CNTN4: variants seen among roughly 807,000 people sequenced by gnomAD.
The protein encoded by CNTN4 is contactin 4.
CNTN4 carries 77 observed loss-of-function variants against 122.5 expected under a neutral mutation model. The observed-to-expected ratio is 0.63, with a 90% confidence interval of 0.52 to 0.76. CNTN4 has a LOEUF of 0.76. CNTN4 is among the 30% of genes least tolerant of loss of function. The probability of loss-of-function intolerance (pLI) is 0.00; values close to 1 mark genes in which losing one functional copy is unlikely to be tolerated. For missense variants in CNTN4, 1,256 were observed against 1,259.1 expected, an observed-to-expected ratio of 1.00 and a Z score of 0.04; for synonymous variants, 512 against 447.0, an observed-to-expected ratio of 1.15 and a Z score of -1.83.
In CNTN4 at chr3:2,831,526, A is replaced by G. The variant is rs138043400; in HGVS notation, c.454+11945A>G. On this transcript the variant is annotated intron_variant, in intron 7 of 24. Coordinates refer to ENST00000418658, the MANE Select transcript of CNTN4 (RefSeq NM_175607.3). ...AGTAGGTGGTGCTGCTAACAAAACA[A>G]TGGGCAGCCACTTTGTACCGAGCCA... Among the ~76,000 whole-genome samples, 467 of 152,310 alleles carry G rather than the reference A, an allele frequency of 3.1e-3. 2 individuals carry two copies. The highest frequency in any genetic ancestry group is 0.011 in the African/African-American group (450 of 41,564).
At chr3:2,755,243 C>G (rs1280195923) in intron 6 of CNTN4, among the ~76,000 whole-genome samples, 3 of 152,076 alleles carry the variant, frequency 2.0e-5, no homozygotes, top group Non-Finnish European at 4.4e-5. Flanking sequence ...TCATAACTGG[C>G]CTGACTACTT....
intron 3 of CNTN4, among the ~76,000 whole-genome samples, chr3:2,352,712 G>T (rs2044685735): frequency 6.6e-6 from 1 of 152,190 alleles, no homozygotes; most frequent in South Asian, 2.1e-4. Context: ...TCCGACAGGT[G>T]CCACCCCCTG....
chr3:2,309,629 G>T (rs1205452769), intron 2 of CNTN4, among the ~76,000 whole-genome samples: 2 of 152,050 alleles, frequency 1.3e-5, no homozygotes, highest in Non-Finnish European at 2.9e-5. Flanking sequence ...GGTAATTGTT[G>T]CCATTTCAGA....
intron 3 of CNTN4, among the ~76,000 whole-genome samples, chr3:2,384,983 CATT>C (rs1412689873): frequency 2.6e-5 from 4 of 152,052 alleles, no homozygotes; most frequent in African/African-American, 7.2e-5. Flanking sequence ...GCTTGAAAGT[CATT>C]GTTGGTTTTA....
At chr3:2,462,429 A>G (rs74784938) in intron 3 of CNTN4, among the ~76,000 whole-genome samples, 1 of 152,214 alleles carries the variant, frequency 6.6e-6, no homozygotes, top group African/African-American at 2.4e-5. Context: ...GGAGAAAATC[A>G]TAAAAGTAGC....
chr3:2,502,355 TTCATGTC>T (rs2076618540), intron 3 of CNTN4, among the ~76,000 whole-genome samples: 1 of 152,168 alleles, frequency 6.6e-6, no homozygotes, highest in Non-Finnish European at 1.5e-5. Context: ...AAGTTTTTGC[TTCATGTC>T]TCATCTGTCT....
intron 4 of CNTN4, among the ~76,000 whole-genome samples, chr3:2,716,178 T>G (rs1299583268): frequency 6.6e-6 from 1 of 152,142 alleles, no homozygotes; most frequent in African/African-American, 2.4e-5. Flanking sequence ...TTGCCCCAGC[T>G]GACCATTTTT....
At position 2,267,171 on chromosome 3, in the gene CNTN4, G is replaced by A. The variant is rs563555154; in HGVS notation, c.-144-72007G>A. ...CTGTGCCAACTTACGATTGTGGTGT[G>A]TAGAAATTTAGTGTCAGCCACTGAA... On this transcript the variant is annotated intron_variant, in intron 2 of 24. Coordinates refer to ENST00000418658, the MANE Select transcript of CNTN4 (RefSeq NM_175607.3). 7.2e-5 allele frequency among the ~76,000 whole-genome samples: 11 copies of A among 152,196 alleles called. No individual in the cohort carries two copies. The South Asian group carries it at 1.7e-3, about 23-fold the overall frequency.
intron 3 of CNTN4, among the ~76,000 whole-genome samples, chr3:2,423,592 G>A (rs1181962475): frequency 6.6e-6 from 1 of 151,384 alleles, no homozygotes. Context: ...GAGAAAAGAT[G>A]TTGATGAAAA....
chr3:2,134,480 T>TA (rs2125297595), intron 2 of CNTN4, among the ~76,000 whole-genome samples: 1 of 152,250 alleles, frequency 6.6e-6, no homozygotes, highest in South Asian at 2.1e-4. Flanking sequence ...GAGACATGAG[T>TA]ATTGTGAATG....
chr3:2,424,453 G>T (rs1397298849), intron 3 of CNTN4, among the ~76,000 whole-genome samples: 3 of 152,006 alleles, frequency 2.0e-5, no homozygotes, highest in Admixed American at 6.6e-5. Context: ...ATTTTCTTAA[G>T]CCAGTCTATC....
At chr3:2,327,684 T>A (rs750672738) in intron 2 of CNTN4, among the ~76,000 whole-genome samples, 11 of 152,220 alleles carry the variant, frequency 7.2e-5, no homozygotes, top group Non-Finnish European at 1.5e-4. Flanking sequence ...ACACATTCTT[T>A]AGTGCAGTGG....
chr3:2,766,914 G>T (rs868826480), intron 6 of CNTN4, among the ~76,000 whole-genome samples: 1 of 152,152 alleles, frequency 6.6e-6, no homozygotes, highest in South Asian at 2.1e-4. Context: ...GTCCATGTTG[G>T]TTTGGAAGCT....
At chr3:2,947,920 C>T (rs930372741) in intron 13 of CNTN4, among the ~76,000 whole-genome samples, 23 of 152,298 alleles carry the variant, frequency 1.5e-4, no homozygotes, top group Admixed American at 5.2e-4. Flanking sequence ...CATATTAAAA[C>T]CCTGTGCCAT....
chr3:2,708,579 C>T (rs1327630572), intron 4 of CNTN4, among the ~76,000 whole-genome samples: 1 of 152,190 alleles, frequency 6.6e-6, no homozygotes, highest in Non-Finnish European at 1.5e-5. Flanking sequence ...TGGTATGGGA[C>T]TGAGGCTCTA....
intron 3 of CNTN4, among the ~76,000 whole-genome samples, chr3:2,397,208 C>A (rs2046672894): frequency 6.6e-6 from 1 of 152,152 alleles, no homozygotes; most frequent in Non-Finnish European, 1.5e-5. Context: ...AAGATACATT[C>A]AGTATATGTT....
intron 2 of CNTN4, among the ~76,000 whole-genome samples, chr3:2,338,193 T>C (rs2044035839): frequency 6.6e-6 from 1 of 152,066 alleles, no homozygotes; most frequent in African/African-American, 2.4e-5. Context: ...ATATGAAGAA[T>C]ACCTGTTTAG....
chr3:2,206,862 A>G (rs79046515), intron 2 of CNTN4, among the ~76,000 whole-genome samples: 3,265 of 145,948 alleles, frequency 0.022, 40 homozygotes, highest in Middle Eastern at 0.054. Context: ...GCATTACTGC[A>G]CTTCGCAGAT....
At chr3:2,116,021 A>G (rs1465486629) in intron 2 of CNTN4, among the ~76,000 whole-genome samples, 1 of 152,178 alleles carries the variant, frequency 6.6e-6, no homozygotes, top group East Asian at 1.9e-4. Context: ...AAGGTGCTTT[A>G]TAGTAACCTG....
Sources: gnomAD v4.1 joint callset for allele counts (sites outside exome capture counted in the v4.1 genomes callset) on GRCh38, gnomAD v4.1.1 for gene constraint, MANE v1.5 for transcripts, NCBI Gene and HGNC (gene_info 2026-07-23, HGNC 2026-07-21) for gene names.